The following CSMD1 variants were observed in gnomAD, a reference collection of about 807,000 sequenced individuals.
The protein encoded by CSMD1 is CUB and Sushi multiple domains 1, also known as CUB and sushi domain-containing protein 1.
In CSMD1, 213 loss-of-function variants were observed where a neutral mutation model predicts 417.5. That is an observed-to-expected ratio of 0.51 (90% CI 0.46 to 0.57). The LOEUF is 0.57. CSMD1 is among the 20% of genes least tolerant of loss of function. The pLI, the probability that CSMD1 is intolerant of heterozygous loss-of-function variation, is 0.00. For synonymous variants in CSMD1, 2,862 were observed against 1,736.8 expected, an observed-to-expected ratio of 1.65 and a Z score of -16.11; for missense variants, 6,923 against 4,529.7, an observed-to-expected ratio of 1.53 and a Z score of -15.17.
Position 3,795,142 on chromosome 8 carries a change from T to C in CSMD1, c.819-41100A>G, listed in dbSNP as rs79357736. On this transcript the variant is annotated intron_variant, in intron 5 of 69. Coordinates refer to ENST00000635120, the MANE Select transcript of CSMD1 (RefSeq NM_033225.6). ...TATCTATCATGTACAGCTATAGATATCTATCATGTACAGCTATAGATACCT... is the reference window on the plus strand; with the variant it reads ...TATCTATCATGTACAGCTATAGATACCTATCATGTACAGCTATAGATACCT... Among the ~76,000 whole-genome samples the C allele has an allele frequency of 8.0e-3, 536 of 66,678 alleles. 9 individuals carry two copies. The highest frequency in any genetic ancestry group is 0.018 in the South Asian group (35 of 1,924). The allele number at this position is 66,678 out of a possible 152,430, so 43.7% of individuals were successfully genotyped here.
At chr8:4,787,572 T>G in intron 1 of CSMD1, 1 of 1,496,078 alleles carries the variant, frequency 6.7e-7, no homozygotes, top group Admixed American at 1.7e-5. Context: ...ACAGCTTTCA[T>G]TGCACCCCAG....
chr8:3,725,552 G>T (rs973356484), intron 6 of CSMD1, among the ~76,000 whole-genome samples: 2 of 152,138 alleles, frequency 1.3e-5, no homozygotes, highest in East Asian at 1.9e-4. Context: ...CCCATGAGCT[G>T]CTTGTATTAA....
chr8:3,586,370 A>C, intron 8 of CSMD1, 110 bp from the exon 9 acceptor site: 1 of 1,046,340 alleles, frequency 9.6e-7, no homozygotes, highest in Non-Finnish European at 1.3e-6. Flanking sequence ...CAGTTAAAAC[A>C]GCCTAAGACA....
chr8:4,384,901 G>A (rs1803345368), intron 3 of CSMD1, among the ~76,000 whole-genome samples: 1 of 152,170 alleles, frequency 6.6e-6, no homozygotes, highest in South Asian at 2.1e-4. Flanking sequence ...TATCAACAGA[G>A]TGGCTGGATG....
At chr8:3,669,398 C>T (rs1350242130) in intron 7 of CSMD1, among the ~76,000 whole-genome samples, 1 of 152,112 alleles carries the variant, frequency 6.6e-6, no homozygotes, top group Non-Finnish European at 1.5e-5. Flanking sequence ...TTGGGCTGGC[C>T]AGTCTAGGGG....
intron 3 of CSMD1, among the ~76,000 whole-genome samples, chr8:4,321,354 G>C (rs374083815): frequency 6.6e-6 from 1 of 152,010 alleles, no homozygotes; most frequent in Non-Finnish European, 1.5e-5. Flanking sequence ...CCTCTCCCGC[G>C]CTGGCAGTTA....
chr8:4,950,892 A>G (rs1808700564), intron 1 of CSMD1, among the ~76,000 whole-genome samples: 1 of 152,134 alleles, frequency 6.6e-6, no homozygotes, highest in Non-Finnish European at 1.5e-5. Context: ...AGGGTGGCAA[A>G]CAAATGTACT....
chr8:3,824,416 G>A (rs1267807090), intron 5 of CSMD1, among the ~76,000 whole-genome samples: 1 of 152,158 alleles, frequency 6.6e-6, no homozygotes, highest in African/African-American at 2.4e-5. Context: ...TGGGAAAGAT[G>A]AATAGACATT....
At chr8:4,016,424 C>G (rs1796526220) in intron 4 of CSMD1, among the ~76,000 whole-genome samples, 2 of 152,134 alleles carry the variant, frequency 1.3e-5, no homozygotes, top group Admixed American at 6.5e-5. Context: ...GACCCTGCAG[C>G]TGCACTGAGC....
chr8:3,390,932 G>A (rs1454545199), intron 17 of CSMD1, among the ~76,000 whole-genome samples: 1 of 152,020 alleles, frequency 6.6e-6, no homozygotes, highest in Non-Finnish European at 1.5e-5. Flanking sequence ...AAAAGTCACA[G>A]TTGATAAAGC....
intron 2 of CSMD1, among the ~76,000 whole-genome samples, chr8:4,537,037 G>A (rs1362856942): frequency 6.6e-6 from 1 of 152,122 alleles, no homozygotes; most frequent in East Asian, 1.9e-4. Flanking sequence ...AACATCAATA[G>A]TGGGTTATTT....
intron 8 of CSMD1, among the ~76,000 whole-genome samples, chr8:3,592,313 C>T (rs1800886894): frequency 6.6e-6 from 1 of 152,042 alleles, no homozygotes; most frequent in African/African-American, 2.4e-5. Context: ...CTTCAGTACT[C>T]ATAAATATAA....
In CSMD1 at chr8:3,006,073, G is replaced by A. The variant is rs1585134247; in HGVS notation, c.8030-5942C>T. On this transcript the variant is annotated intron_variant, in intron 52 of 69. Transcript: ENST00000635120. ...TAAGCTGATAAGCAACTTCAGCAAA[G>A]TCTCAGGATACAAAATCAATGTGCA... Among the ~76,000 whole-genome samples, 3 of 151,642 alleles carry A rather than the reference G, an allele frequency of 2.0e-5. No homozygotes were observed. In the South Asian group the frequency reaches 6.2e-4, roughly 32 times the overall value.
chr8:3,638,684 G>A (rs1301920084), intron 7 of CSMD1, among the ~76,000 whole-genome samples: 1 of 152,130 alleles, frequency 6.6e-6, no homozygotes, highest in East Asian at 1.9e-4. Flanking sequence ...CTGTGGACCA[G>A]AAAGTCGACA....
intron 5 of CSMD1, among the ~76,000 whole-genome samples, chr8:3,893,921 T>C (rs1044303485): frequency 3.9e-5 from 6 of 152,110 alleles, no homozygotes; most frequent in African/African-American, 9.7e-5. Context: ...TGAGCAAGCA[T>C]GTACAGTTAC....
chr8:3,841,470 T>G (rs1803128063), intron 5 of CSMD1, among the ~76,000 whole-genome samples: 2 of 152,116 alleles, frequency 1.3e-5, no homozygotes, highest in Non-Finnish European at 2.9e-5. Context: ...GACCAAGCAC[T>G]GCATTCCCCA....
At chr8:3,118,091 G>T (rs1214920502) in intron 42 of CSMD1, among the ~76,000 whole-genome samples, 1 of 152,180 alleles carries the variant, frequency 6.6e-6, no homozygotes, top group Non-Finnish European at 1.5e-5. Context: ...TGACTTCGCG[G>T]AGATTTCCCT....
At chr8:4,184,432 T>C (rs1378670747) in intron 3 of CSMD1, among the ~76,000 whole-genome samples, 1 of 152,160 alleles carries the variant, frequency 6.6e-6, no homozygotes, top group Non-Finnish European at 1.5e-5. Context: ...TGCGGCACTA[T>C]TCACAATATC....
rs544093331 is a variant in CSMD1 at position 4,475,348 on chromosome 8, T to C, written c.303-55283A>G. Reference sequence around the variant, plus strand: ...ATAGCTTCATAAGACAGAAGCAGTATATTAATAAAGAGTTAATGTATGAAC... The same window carrying C: ...ATAGCTTCATAAGACAGAAGCAGTACATTAATAAAGAGTTAATGTATGAAC... On this transcript the variant is annotated intron_variant, in intron 2 of 69. Coordinates refer to ENST00000635120, the MANE Select transcript of CSMD1 (RefSeq NM_033225.6). 2.4e-4 allele frequency among the ~76,000 whole-genome samples: 36 copies of C among 152,292 alleles called. No homozygotes were observed. In the South Asian group the frequency reaches 6.8e-3, roughly 29 times the overall value.
Sources: allele counts gnomAD v4.1 joint callset (sites outside exome capture counted in the v4.1 genomes callset), GRCh38; gene constraint gnomAD v4.1.1; transcripts MANE v1.5; gene names NCBI Gene and HGNC (gene_info 2026-07-23, HGNC 2026-07-21).